Variants in MAP9 observed in about 807,000 individuals in gnomAD.
The protein encoded by MAP9 is microtubule associated protein 9.
In MAP9, 80 loss-of-function variants were observed where a neutral mutation model predicts 75.2. That is an observed-to-expected ratio of 1.06 (90% CI 0.89 to 1.28). The LOEUF (loss-of-function observed/expected upper bound fraction) is 1.28, where lower values mean the gene tolerates loss of function less well. Ranked by LOEUF, MAP9 falls within the 50% of genes most tolerant of loss-of-function variation. The probability of loss-of-function intolerance (pLI) is 0.00; values close to 1 mark genes in which losing one functional copy is unlikely to be tolerated. For synonymous variants in MAP9, 235 were observed against 237.3 expected (o/e 0.99, Z 0.09); for missense variants, 753 against 719.9 (o/e 1.05, Z -0.53).
chr4:155,375,119 T>A, intron 2 of MAP9, 98 bp from the exon 3 acceptor site: 1 of 854,654 alleles, frequency 1.2e-6, no homozygotes, highest in Non-Finnish European at 1.8e-6. Context: ...ACGACTGCTT[T>A]CAAACTTAGG....
In MAP9 at chr4:155,352,912, C is replaced by T. The variant is rs772717540; in HGVS notation, c.1688G>A (p.Trp563Ter). 1 of 1,515,442 alleles carries T rather than the reference C, an allele frequency of 6.6e-7. No homozygotes were observed. The highest frequency in any genetic ancestry group is 1.3e-5 in the South Asian group (1 of 77,274). 93.9% of individuals were successfully genotyped at this position (1,515,442 alleles called of 1,614,324 possible). Residue 563 changes from tryptophan to a stop codon, truncating the protein, a stop_gained and splice_region_variant, in exon 12 of 14, where the codon TGG (tryptophan) becomes TAG (stop). Coordinates refer to ENST00000311277, the MANE Select transcript of MAP9 (RefSeq NM_001039580.2). LOFTEE classifies it high-confidence loss of function. ...KKDNLTAVEK[W>*]NEKKEAFFKQ... The stretch of plus-strand genomic sequence containing the variant: ...CAAAATATTTATGATTTTGGATTAC[C>T]ATTTCTCAACAGCAGTTAAATTATC...
At chr4:155,349,603 A>C (rs10517618) in intron 13 of MAP9, 93,058 of 152,044 alleles carry the variant, frequency 0.61, 29,228 homozygotes, top group East Asian at 0.79. Flanking sequence ...CCATATCCTC[A>C]TTCCATGTCA....
chr4:155,348,123 C>A (rs919604847), intron 13 of MAP9, among the ~76,000 whole-genome samples: 1 of 151,966 alleles, frequency 6.6e-6, no homozygotes, highest in Non-Finnish European at 1.5e-5. Flanking sequence ...ATTGTTTGAG[C>A]CTGGGAGTTC....
intron 4 of MAP9, among the ~76,000 whole-genome samples, chr4:155,371,860 A>G (rs1409486632): frequency 6.6e-6 from 1 of 152,118 alleles, no homozygotes; most frequent in Non-Finnish European, 1.5e-5. Flanking sequence ...ACGAAGTTCA[A>G]TTATGTTCCT....
rs747860737 is a variant in MAP9 at position 155,373,399 on chromosome 4, AT to A, written c.217del (p.Met73Ter). On this transcript the variant is annotated frameshift_variant, in exon 4 of 14. Coordinates refer to ENST00000311277, the MANE Select transcript of MAP9 (RefSeq NM_001039580.2). LOFTEE classifies it high-confidence loss of function. ...ATCATCTGATATATGAAAGTCATTC[AT>A]TTTTTTATTAACTGAATTTTCATCT... ...SADENSVNKK[M>X]NDFHISDDEE... The A allele has an allele frequency of 1.8e-5, 28 of 1,598,240 alleles. No homozygotes were observed. Among genetic ancestry groups the A allele is most frequent in the Non-Finnish European group, 2.2e-5 (26 of 1,173,504 alleles).
intron 13 of MAP9, among the ~76,000 whole-genome samples, chr4:155,351,888 C>G (rs942918726): frequency 2.0e-5 from 3 of 151,858 alleles, no homozygotes; most frequent in African/African-American, 7.2e-5. Context: ...AATATGTTAA[C>G]TATTCATATG....
chr4:155,347,841 C>T lies in MAP9; in HGVS notation c.1886G>A (p.Ser629Asn), dbSNP rs746021803. 1 of 1,607,900 alleles carries T rather than the reference C, an allele frequency of 6.2e-7. No homozygotes were observed. The highest frequency in any genetic ancestry group is 2.2e-5 in the East Asian group (1 of 44,516). The change falls in exon 14 of 14, where the codon AGT becomes AAT. Residue 629 changes from serine (S) to asparagine (N), a missense_variant. Physicochemically the swap from Ser to Asn is conservative, Grantham distance 46 (BLOSUM62 1). Coordinates refer to ENST00000311277, the MANE Select transcript of MAP9 (RefSeq NM_001039580.2). ...KQKKRHSFLE[S>N]EALPPWSPPS... is the part of the protein sequence containing the mutation. Reference sequence around the variant, plus strand: ...AGGGCTCCACGGAGGAAGTGCCTCACTTTCAAGAAAGGAATGACGTTTCTT... The same window carrying T: ...AGGGCTCCACGGAGGAAGTGCCTCATTTTCAAGAAAGGAATGACGTTTCTT...
At chr4:155,357,013 G>A (rs915032052) in intron 8 of MAP9, 1 of 165,368 alleles carries the variant, frequency 6.0e-6, no homozygotes, top group Non-Finnish European at 1.3e-5. Context: ...TCTCATGTTA[G>A]ACAATGATAC....
rs1454355205 is a variant in MAP9, at chr4:155,343,728, T to C, written c.*4055A>G. On this transcript the variant is annotated 3_prime_UTR_variant, in exon 14 of 14. Coordinates refer to ENST00000311277, the MANE Select transcript of MAP9 (RefSeq NM_001039580.2). ...AATATATGCTATCAAAAAGCAGACA[T>C]TAATATCTTCTTAATAATTTTTAAA... The C allele has an allele frequency of 6.6e-6, 1 of 151,796 alleles. No homozygotes were observed. The highest frequency in any genetic ancestry group is 6.6e-5 in the Admixed American group (1 of 15,220). The allele number at this position is 151,796 out of a possible 1,614,324, so 9.4% of individuals were successfully genotyped here.
intron 8 of MAP9, among the ~76,000 whole-genome samples, chr4:155,356,250 G>C (rs1160572234): frequency 6.6e-6 from 1 of 151,954 alleles, no homozygotes; most frequent in Non-Finnish European, 1.5e-5. Context: ...CTGAGCAACA[G>C]AGTGAGACTC....
Position 155,374,993 on chromosome 4 carries a change from C to G in MAP9, c.104G>C (p.Arg35Pro). The change falls in exon 3 of 14, where the codon CGC (arginine) becomes CCC (proline). Residue 35 changes from arginine (R) to proline (P), a missense_variant. Transcript: ENST00000311277. ...QDELIRAITA[R>P]SARQRSSEYS... ...TTCAGAACTCCTTTGTCTGGCTGAG[C>G]GAGCTGTAATTGCTCTTATTAGCTC... 6.3e-7 allele frequency: 1 copy of G among 1,586,760 alleles called. No homozygotes were observed. The highest frequency in any genetic ancestry group is 8.6e-7 in the Non-Finnish European group (1 of 1,159,876).
intron 1 of MAP9, chr4:155,376,351 CAAAGAA>C (rs1395805391): frequency 1.3e-5 from 2 of 152,256 alleles, no homozygotes; most frequent in African/African-American, 4.8e-5. Flanking sequence ...CAGCGCTATT[CAAAGAA>C]AAAGATCGTA....
In MAP9 at chr4:155,345,787, T is replaced by C. The variant is rs1226543811; in HGVS notation, c.*1996A>G. On this transcript the variant is annotated 3_prime_UTR_variant, in exon 14 of 14. Coordinates refer to ENST00000311277, the MANE Select transcript of MAP9 (RefSeq NM_001039580.2). ...TAATGTGAAATCTATAAGATACACA[T>C]CCATGATCTCACATCCCCAAAAGTA... 6.6e-6 allele frequency: 1 copy of C among 152,126 alleles called. No individual in the cohort carries two copies. Among genetic ancestry groups the C allele is most frequent in the Non-Finnish European group, 1.5e-5 (1 of 68,002 alleles). 9.4% of individuals were successfully genotyped at this position (152,126 alleles called of 1,614,324 possible). A position where few individuals can be genotyped will look rare whatever the true frequency, so the allele number is the denominator to read the frequency against.
chr4:155,375,308 G>A (rs1239878010), intron 2 of MAP9, among the ~76,000 whole-genome samples: 1 of 151,864 alleles, frequency 6.6e-6, no homozygotes, highest in Non-Finnish European at 1.5e-5. Flanking sequence ...AGAGCTGGAG[G>A]GTAACAAATA....
intron 13 of MAP9, chr4:155,349,354 CT>C (rs1731410074): frequency 1.0e-3 from 1 of 958 alleles, no homozygotes; most frequent in South Asian, 0.026. Flanking sequence ...GTTTCTTCAT[CT>C]TGGTATTTTT....
intron 5 of MAP9, among the ~76,000 whole-genome samples, chr4:155,366,243 C>A (rs1032183390): frequency 1.3e-5 from 2 of 151,744 alleles, no homozygotes; most frequent in African/African-American, 2.4e-5. Flanking sequence ...CCTGTAGTCC[C>A]AGCTACTCGG....
In MAP9 at chr4:155,355,135, T is replaced by C. The variant is rs757986070; in HGVS notation, c.1316A>G (p.Tyr439Cys). Residue 439 changes from tyrosine (Y) to cysteine (C), a missense_variant, in exon 10 of 14, where the codon TAT becomes TGT. Tyr to Cys is a radical substitution (Grantham distance 194). Transcript: ENST00000311277. ...TTTTATTCTGTGCATTTCATGTAAA[T>C]ACACATTTTTCTTTTCTAACCACTC... ...YQEWLEKKNV[Y>C]LHEMHRIKRI... 1 of 1,392,590 alleles carries C rather than the reference T, an allele frequency of 7.2e-7. No homozygotes were observed. 86.3% of individuals were successfully genotyped at this position (1,392,590 alleles called of 1,614,324 possible). A position where few individuals can be genotyped will look rare whatever the true frequency, so the allele number is the denominator to read the frequency against.
intron 13 of MAP9, among the ~76,000 whole-genome samples, chr4:155,352,054 A>C (rs1731536017): frequency 6.6e-6 from 1 of 152,000 alleles, no homozygotes; most frequent in African/African-American, 2.4e-5. Context: ...AAGTAAAGTG[A>C]AATCAAATAT....
At position 155,350,163 on chromosome 4, in the gene MAP9, T is replaced by C. The variant is rs550528698; in HGVS notation, c.1822-2258A>G. Reference sequence around the variant, plus strand: ...CTTACTGTTCAAACTAGTTTGTATATAAAAAGCTTGAGATGTTGTTTTCCA... The same window carrying C: ...CTTACTGTTCAAACTAGTTTGTATACAAAAAGCTTGAGATGTTGTTTTCCA... On this transcript the variant is annotated intron_variant, in intron 13 of 13. Coordinates refer to ENST00000311277, the MANE Select transcript of MAP9 (RefSeq NM_001039580.2). 23 of 418,598 alleles carry C rather than the reference T, an allele frequency of 5.5e-5. No homozygotes were observed. In the East Asian group the frequency reaches 1.7e-3, roughly 30 times the overall value. The allele number at this position is 418,598 out of a possible 1,614,324, so 25.9% of individuals were successfully genotyped here. A position where few individuals can be genotyped will look rare whatever the true frequency, so the allele number is the denominator to read the frequency against.
Sources: allele counts gnomAD v4.1 joint callset (sites outside exome capture counted in the v4.1 genomes callset), GRCh38; gene constraint gnomAD v4.1.1; transcripts MANE v1.5; gene names NCBI Gene and HGNC (gene_info 2026-07-23, HGNC 2026-07-21).